Variants in FAT3 observed in about 807,000 individuals in gnomAD.
FAT3 encodes FAT atypical cadherin 3.
A neutral mutation model predicts 310.2 loss-of-function variants in FAT3; 95 were observed. The observed-to-expected ratio is 0.31, with a 90% CI of 0.26 to 0.36. The LOEUF (loss-of-function observed/expected upper bound fraction) is 0.36. Ranked by LOEUF, FAT3 falls within the 10% of genes least tolerant of loss-of-function variation. FAT3 has a pLI of 1.00. For synonymous variants in FAT3, 2,314 were observed against 2,192.9 expected, an observed-to-expected ratio of 1.06 and a Z score of -1.54; for missense variants, 5,408 against 5,715.6, an observed-to-expected ratio of 0.95 and a Z score of 1.74.
At chr11:92,805,807 C>T (rs1947492276) in intron 11 of FAT3, among the ~76,000 whole-genome samples, 1 of 152,072 alleles carries the variant, frequency 6.6e-6, no homozygotes. Flanking sequence ...AAATATAATG[C>T]CATTGCAAGG....
Position 92,857,221 on chromosome 11 carries a change from G to A in FAT3, c.11373G>A (p.Leu3791=). The change falls in exon 20 of 28, where the codon CTG becomes CTA. Residue 3791 remains leucine (L), a synonymous_variant. Coordinates refer to ENST00000525166, the MANE Select transcript of FAT3 (RefSeq NM_001367949.2). ...ATTCCACCTTTGTCACAGGAGGACT[G>A]TGTCCGGGGTCCAACGATCCTTGTG... The part of the protein sequence containing the change: ...RNVRCTCNGG[L]CPGSNDPCVE... 1 of 1,613,986 alleles carries A rather than the reference G, an allele frequency of 6.2e-7. No homozygotes were observed. Among genetic ancestry groups the A allele is most frequent in the Non-Finnish European group, 8.5e-7 (1 of 1,179,886 alleles).
At chr11:92,803,904 C>T (rs1433009584) in intron 10 of FAT3, among the ~76,000 whole-genome samples, 1 of 152,192 alleles carries the variant, frequency 6.6e-6, no homozygotes, top group Admixed American at 6.5e-5. Flanking sequence ...GGCTTGCCCC[C>T]ACTCCCAGTG....
rs776116883 is a variant in FAT3, at chr11:92,790,017, C to T, written c.4410C>T (p.Ser1470=). 1.5e-5 allele frequency: 25 copies of T among 1,613,618 alleles called. No individual in the cohort carries two copies. Among genetic ancestry groups the T allele is most frequent in the Admixed American group, 3.3e-5 (2 of 59,974 alleles). Reference sequence around the variant, plus strand: ...AGCCGAATTACGATGTGACAATTTCCGAGGATGTGCTTCCAGACACGGAGA... The same window carrying T: ...AGCCGAATTACGATGTGACAATTTCTGAGGATGTGCTTCCAGACACGGAGA... ...FSQPNYDVTI[S]EDVLPDTEIL... The change falls in exon 8 of 28, where the codon TCC becomes TCT. Residue 1470 remains serine (S), a synonymous_variant. Transcript: ENST00000525166.
intron 2 of FAT3, among the ~76,000 whole-genome samples, chr11:92,464,447 T>G (rs748319310): frequency 1.8e-4 from 28 of 152,186 alleles, no homozygotes; most frequent in Non-Finnish European, 3.4e-4. Context: ...GTGTTTCTCA[T>G]ATAGGGTAAT....
At chr11:92,555,428 G>A (rs899404369) in intron 3 of FAT3, among the ~76,000 whole-genome samples, 1 of 152,176 alleles carries the variant, frequency 6.6e-6, no homozygotes, top group African/African-American at 2.4e-5. Flanking sequence ...ATTTGAAGAT[G>A]TTTTTCTTTT....
rs1864075162 is a variant in FAT3, at chr11:92,229,508, T to TTTTTTTTTTTTTTTTTTTTTC, written c.-18+4339_-18+4340insTTTTTTTTTTTTTTTCTTTTT. Among the ~76,000 whole-genome samples, 2 of 74,358 alleles carry TTTTTTTTTTTTTTTTTTTTTC rather than the reference T, an allele frequency of 2.7e-5. 1 individual carries two copies. The highest frequency in any genetic ancestry group is 8.8e-5 in the African/African-American group (2 of 22,658). 48.8% of individuals were successfully genotyped at this position (74,358 alleles called of 152,430 possible). On this transcript the variant is annotated intron_variant, in intron 1 of 27. Coordinates refer to ENST00000525166, the MANE Select transcript of FAT3 (RefSeq NM_001367949.2). ...TTTTTTCGTGTTTTTTTTTTTTTTGTTTTTTGTTTTTTTTTACATTGCCTC... is the reference window on the plus strand; with the variant it reads ...TTTTTTCGTGTTTTTTTTTTTTTTGTTTTTTTTTTTTTTTTTTTTTCTTTTTGTTTTTTTTTACATTGCCTC...
In FAT3 at chr11:92,801,533, T is replaced by G. The variant is rs1262308770; in HGVS notation, c.8520T>G (p.Asp2840Glu). ...GTKLTQVRAI[D>E]MDWGANGQVT... is the part of the protein sequence containing the mutation. ...AACTCACACAAGTGAGAGCTATTGA[T>G]ATGGACTGGGGAGCCAATGGACAAG... The change falls in exon 10 of 28, where the codon GAT becomes GAG. Residue 2840 changes from aspartate (D) to glutamate (E), a missense_variant. Coordinates refer to ENST00000525166, the MANE Select transcript of FAT3 (RefSeq NM_001367949.2). The G allele has an allele frequency of 2.5e-6, 4 of 1,609,058 alleles. No individual in the cohort carries two copies. The African/African-American group carries it at 5.3e-5, about 21-fold the overall frequency.
chr11:92,324,360 G>C (rs570830031), intron 1 of FAT3, among the ~76,000 whole-genome samples: 8 of 152,178 alleles, frequency 5.3e-5, no homozygotes, highest in Non-Finnish European at 1.0e-4. Flanking sequence ...TGAGAGATGT[G>C]TGACTCTTCC....
At chr11:92,796,613 A>G (rs146947119) in intron 9 of FAT3, among the ~76,000 whole-genome samples, 37 of 152,316 alleles carry the variant, frequency 2.4e-4, no homozygotes, top group African/African-American at 8.7e-4. Flanking sequence ...ATAGAGTTGA[A>G]TAACCAAGAT....
chr11:92,320,161 C>T (rs749140059), intron 1 of FAT3, among the ~76,000 whole-genome samples: 24 of 152,168 alleles, frequency 1.6e-4, no homozygotes, highest in Middle Eastern at 6.8e-3. Context: ...AAAGTAATTG[C>T]GATTTTTGCA....
At chr11:92,342,952 C>T (rs1375208942) in intron 1 of FAT3, among the ~76,000 whole-genome samples, 1 of 152,044 alleles carries the variant, frequency 6.6e-6, no homozygotes, top group Non-Finnish European at 1.5e-5. Flanking sequence ...AAGGCTTGAA[C>T]AACATGCTAA....
chr11:92,760,785 A>C (rs1303411819), intron 4 of FAT3, among the ~76,000 whole-genome samples: 1 of 152,234 alleles, frequency 6.6e-6, no homozygotes, highest in Admixed American at 6.5e-5. Flanking sequence ...GATTATCACT[A>C]TGACTAATAA....
intron 4 of FAT3, among the ~76,000 whole-genome samples, chr11:92,726,051 A>T (rs184277952): frequency 6.6e-6 from 1 of 152,274 alleles, no homozygotes; most frequent in African/African-American, 2.4e-5. Flanking sequence ...TCTCAATGAC[A>T]CTGATTTGGT....
intron 16 of FAT3, 86 bp from the exon 17 acceptor site, chr11:92,837,577 C>T (rs1173881489): frequency 3.3e-6 from 5 of 1,507,282 alleles, no homozygotes; most frequent in Non-Finnish European, 4.5e-6. Flanking sequence ...TAACAAAGCA[C>T]AGCCTGTAGC....
chr11:92,452,190 T>C (rs901034272), intron 2 of FAT3, among the ~76,000 whole-genome samples: 23 of 152,196 alleles, frequency 1.5e-4, no homozygotes, highest in Non-Finnish European at 2.9e-4. Context: ...TGTTCCATAC[T>C]GTGACTGCTC....
chr11:92,719,720 CTGTGTG>C (rs751825746), intron 4 of FAT3, among the ~76,000 whole-genome samples: 7,936 of 136,748 alleles, frequency 0.058, 356 homozygotes, highest in African/African-American at 0.12. Context: ...AGAACCAACT[CTGTGTG>C]TGTGTGTGTG....
intron 3 of FAT3, among the ~76,000 whole-genome samples, chr11:92,695,614 T>C (rs1171877869): frequency 6.6e-6 from 1 of 152,126 alleles, no homozygotes. Flanking sequence ...AAGAATAGAA[T>C]ACAGCAGATC....
intron 5 of FAT3, among the ~76,000 whole-genome samples, chr11:92,763,762 A>C (rs1278798401): frequency 6.6e-6 from 1 of 151,974 alleles, no homozygotes; most frequent in Admixed American, 6.6e-5. Flanking sequence ...GCCCACCCTG[A>C]TCTCTATTCT....
chr11:92,412,402 A>ATTTT (rs780298367), intron 2 of FAT3, among the ~76,000 whole-genome samples: 2 of 101,140 alleles, frequency 2.0e-5, no homozygotes, highest in Admixed American at 1.4e-4. Flanking sequence ...GACCCGGCCT[A>ATTTT]TTTTTTTTTT....
Sources: allele counts gnomAD v4.1 joint callset (sites outside exome capture counted in the v4.1 genomes callset), GRCh38; gene constraint gnomAD v4.1.1; transcripts MANE v1.5; gene names NCBI Gene and HGNC (gene_info 2026-07-23, HGNC 2026-07-21).